The following TENM3 variants were observed in gnomAD, a reference collection of about 807,000 sequenced individuals.
TENM3 encodes teneurin transmembrane protein 3.
A neutral mutation model predicts 255.1 loss-of-function variants in TENM3; 63 were observed. The observed-to-expected ratio is 0.25, with a 90% CI of 0.20 to 0.30. The LOEUF is 0.30. Ranked by LOEUF, TENM3 falls within the 10% of genes least tolerant of loss-of-function variation. The pLI, the probability that TENM3 is intolerant of heterozygous loss-of-function variation, is 1.00. For synonymous variants in TENM3, 1,306 were observed against 1,322.3 expected, an observed-to-expected ratio of 0.99 and a Z score of 0.27; for missense variants, 2,929 against 3,461.1, an observed-to-expected ratio of 0.85 and a Z score of 3.86.
At chr4:181,904,875 T>A in the TENM3 span, among the ~76,000 whole-genome samples, 1 of 152,138 alleles carries the variant, frequency 6.6e-6, no homozygotes, top group African/African-American at 2.4e-5. Flanking sequence ...GGGTGGGTCT[T>A]TTCCCATGCT....
chr4:182,011,893 C>T, the TENM3 span, among the ~76,000 whole-genome samples: 2 of 152,170 alleles, frequency 1.3e-5, no homozygotes, highest in African/African-American at 2.4e-5. Flanking sequence ...CCTCTAGCCC[C>T]TTGTTTGCGG....
the TENM3 span, among the ~76,000 whole-genome samples, chr4:182,029,312 A>C: frequency 6.6e-6 from 1 of 151,964 alleles, no homozygotes; most frequent in Non-Finnish European, 1.5e-5. Flanking sequence ...CACCTCCAAC[A>C]CTGGGAAATA....
the TENM3 span, among the ~76,000 whole-genome samples, chr4:181,673,660 A>G: frequency 6.6e-6 from 1 of 152,206 alleles, no homozygotes; most frequent in Admixed American, 6.5e-5. Flanking sequence ...ACTAAGAACA[A>G]CTTTTAAACA....
intron 3 of TENM3, among the ~76,000 whole-genome samples, chr4:182,438,472 A>T (rs1772213300): frequency 6.6e-6 from 1 of 152,230 alleles, no homozygotes; most frequent in South Asian, 2.1e-4. Flanking sequence ...AGATGCCCAG[A>T]AATAATTTAA....
the TENM3 span, among the ~76,000 whole-genome samples, chr4:181,632,198 C>T: frequency 6.6e-6 from 1 of 152,178 alleles, no homozygotes; most frequent in Admixed American, 6.6e-5. Context: ...AAGGCAGGCA[C>T]GTCTTACATG....
the TENM3 span, among the ~76,000 whole-genome samples, chr4:182,137,716 C>T: frequency 6.6e-6 from 1 of 152,106 alleles, no homozygotes; most frequent in East Asian, 1.9e-4. Context: ...TAAAACTTTT[C>T]TTTTTTCAGC....
intron 1 of TENM3, among the ~76,000 whole-genome samples, chr4:182,196,819 T>A (rs1486909092): frequency 6.6e-6 from 1 of 152,240 alleles, no homozygotes; most frequent in African/African-American, 2.4e-5. Flanking sequence ...CTTGTCAGTT[T>A]CACATCTCCG....
intron 12 of TENM3, among the ~76,000 whole-genome samples, chr4:182,701,209 A>ATTTT (rs1561129558): frequency 1.3e-4 from 3 of 23,860 alleles, no homozygotes; most frequent in Non-Finnish European, 2.7e-4. Context: ...CCAACTCTTG[A>ATTTT]CTTTTTTTTT....
the TENM3 span, among the ~76,000 whole-genome samples, chr4:181,579,810 T>C: frequency 6.6e-6 from 1 of 152,092 alleles, no homozygotes; most frequent in Non-Finnish European, 1.5e-5. Context: ...ACTAGGTTCA[T>C]CAAGAGTAGA....
the TENM3 span, chr4:181,905,979 T>A: frequency 1.9e-6 from 1 of 513,596 alleles, no homozygotes; most frequent in Admixed American, 2.4e-5. Flanking sequence ...TGGTACATAC[T>A]TTTTTACTCA....
intron 1 of TENM3, among the ~76,000 whole-genome samples, chr4:182,322,798 G>T (rs963774557): frequency 3.3e-5 from 5 of 152,032 alleles, no homozygotes; most frequent in Admixed American, 1.3e-4. Flanking sequence ...TTTTTTTGGA[G>T]GTGAAGAAAC....
In TENM3 at chr4:182,519,190, C is replaced by G. The variant is rs185287939; in HGVS notation, c.512-81734C>G. On this transcript the variant is annotated intron_variant, in intron 3 of 27. Transcript: ENST00000511685. ...CCAAAAAAAAAAATGTAAAATATGT[C>G]AATTATTGTTATGTATTGATTCCAT... Among the ~76,000 whole-genome samples, 1,363 of 152,048 alleles carry G rather than the reference C, an allele frequency of 9.0e-3. 4 individuals carry two copies. Among genetic ancestry groups the G allele is most frequent in the Admixed American group, 0.015 (224 of 15,292 alleles).
At chr4:181,709,876 A>C in the TENM3 span, among the ~76,000 whole-genome samples, 2 of 152,220 alleles carry the variant, frequency 1.3e-5, no homozygotes, top group Non-Finnish European at 2.9e-5. Flanking sequence ...ATCAGGGATG[A>C]ATCAAGTTTT....
chr4:182,588,188 T>C (rs1281846623), intron 3 of TENM3, among the ~76,000 whole-genome samples: 1 of 152,208 alleles, frequency 6.6e-6, no homozygotes, highest in Non-Finnish European at 1.5e-5. Context: ...ATGACTCCAA[T>C]CCTGCTCTCC....
chr4:181,862,765 A>G, the TENM3 span, among the ~76,000 whole-genome samples: 1 of 152,156 alleles, frequency 6.6e-6, no homozygotes, highest in African/African-American at 2.4e-5. Context: ...AATTATTTTG[A>G]TGACTAGACT....
the TENM3 span, among the ~76,000 whole-genome samples, chr4:181,587,544 C>T: frequency 6.6e-6 from 1 of 152,134 alleles, no homozygotes; most frequent in African/African-American, 2.4e-5. Flanking sequence ...TTGGTACAAT[C>T]CCCGTTTTAC....
At chr4:181,689,856 T>C in the TENM3 span, among the ~76,000 whole-genome samples, 10 of 152,116 alleles carry the variant, frequency 6.6e-5, no homozygotes, top group African/African-American at 2.4e-4. Flanking sequence ...TACATCCCCC[T>C]ACCACACTAA....
intron 3 of TENM3, among the ~76,000 whole-genome samples, chr4:182,475,501 C>T (rs952369003): frequency 9.9e-5 from 15 of 151,754 alleles, no homozygotes; most frequent in African/African-American, 2.7e-4. Flanking sequence ...TCATTGATGA[C>T]GGGGGTGTGT....
chr4:181,647,920 G>C, the TENM3 span, among the ~76,000 whole-genome samples: 2 of 152,054 alleles, frequency 1.3e-5, no homozygotes, highest in African/African-American at 4.8e-5. Context: ...CAAACCTTTG[G>C]GGGAGGTTTG....
Sources: gnomAD v4.1 joint callset for allele counts (sites outside exome capture counted in the v4.1 genomes callset) on GRCh38, gnomAD v4.1.1 for gene constraint, MANE v1.5 for transcripts, NCBI Gene and HGNC (gene_info 2026-07-23, HGNC 2026-07-21) for gene names.